The following TNRC6B variants were observed in gnomAD, a reference collection of about 807,000 sequenced individuals.
The protein encoded by TNRC6B is trinucleotide repeat-containing gene 6B protein.
In TNRC6B, 52 loss-of-function variants were observed where a neutral mutation model predicts 203.6. The ratio of observed to expected loss-of-function variants is 0.26; its 90% CI spans 0.20 to 0.32. The LOEUF is 0.32. Ranked by LOEUF, TNRC6B falls within the 10% of genes least tolerant of loss-of-function variation. The pLI is 1.00. For synonymous variants in TNRC6B, 838 were observed against 845.7 expected (o/e 0.99, Z 0.16); for missense variants, 1,923 against 2,286.2 (o/e 0.84, Z 3.24).
chr22:40,152,285 C>A (rs1048318759), intron 3 of TNRC6B, among the ~76,000 whole-genome samples: 7 of 152,142 alleles, frequency 4.6e-5, no homozygotes. Context: ...GCATCACCCT[C>A]AAAATTTTGG....
intron 16 of TNRC6B, 37 bp downstream of exon 16, chr22:40,308,686 C>T (rs754324938): frequency 6.3e-7 from 1 of 1,576,236 alleles, no homozygotes; most frequent in Non-Finnish European, 8.6e-7. Flanking sequence ...CCCCAACCCA[C>T]AGCAGGTCTT....
chr22:40,222,367 T>C (rs184124660), intron 1 of TNRC6B, among the ~76,000 whole-genome samples: 2 of 152,108 alleles, frequency 1.3e-5, no homozygotes, highest in African/African-American at 2.4e-5. Flanking sequence ...AAGGCCTTAC[T>C]AGGACCAGAA....
At chr22:40,125,906 A>C in intron 3 of TNRC6B, 1 of 1,588,066 alleles carries the variant, frequency 6.3e-7, no homozygotes, top group Non-Finnish European at 8.6e-7. Context: ...GAAATTGAAC[A>C]GTAGAGGCTG....
intron 6 of TNRC6B, among the ~76,000 whole-genome samples, chr22:40,271,311 C>T (rs2070560222): frequency 6.6e-6 from 1 of 152,164 alleles, no homozygotes; most frequent in African/African-American, 2.4e-5. Flanking sequence ...AAGGGATTAT[C>T]TTTTGATTAA....
chr22:40,184,504 G>A (rs2069176007), intron 1 of TNRC6B, among the ~76,000 whole-genome samples: 1 of 152,170 alleles, frequency 6.6e-6, no homozygotes, highest in South Asian at 2.1e-4. Flanking sequence ...GAGTGTATAA[G>A]CCACGTTTGA....
intron 15 of TNRC6B, among the ~76,000 whole-genome samples, chr22:40,302,575 G>A (rs2071037150): frequency 6.6e-6 from 1 of 151,556 alleles, no homozygotes; most frequent in South Asian, 2.1e-4. Context: ...GGAGGTTGCA[G>A]TGAGCTGAGA....
intron 1 of TNRC6B, among the ~76,000 whole-genome samples, chr22:40,114,365 A>G (rs2068368391): frequency 6.6e-6 from 1 of 152,170 alleles, no homozygotes; most frequent in South Asian, 2.1e-4. Context: ...GTGTCATCCA[A>G]GCTGGAGTGC....
chr22:40,222,059 A>G (rs62237978), intron 1 of TNRC6B, among the ~76,000 whole-genome samples: 16,906 of 152,062 alleles, frequency 0.11, 1,031 homozygotes, highest in South Asian at 0.15. Flanking sequence ...AGACCAACTA[A>G]GTCTTGCTGT....
In TNRC6B at chr22:40,229,898, C is replaced by A. The variant is rs550699125; in HGVS notation, c.6-16117C>A. On this transcript the variant is annotated intron_variant, in intron 1 of 22. Coordinates refer to ENST00000454349, the MANE Select transcript of TNRC6B (RefSeq NM_001162501.2). Reference sequence around the variant, plus strand: ...TTTGGGCATTTGCTCGTTTTCAGCTCTTATCAATAAAGCTATGAATATTCA... The same window carrying A: ...TTTGGGCATTTGCTCGTTTTCAGCTATTATCAATAAAGCTATGAATATTCA... Among the ~76,000 whole-genome samples the A allele has an allele frequency of 3.3e-5, 5 of 152,294 alleles. No homozygotes were observed. In the South Asian group the frequency reaches 1.0e-3, roughly 32 times the overall value.
At position 40,063,670 on chromosome 22, in the gene TNRC6B, GT is replaced by G. The variant is rs770263112; in HGVS notation, c.-121+18679del. Among the ~76,000 whole-genome samples the G allele has an allele frequency of 5.9e-5, 9 of 151,390 alleles. No individual in the cohort carries two copies. The East Asian group carries it at 9.7e-4, about 16-fold the overall frequency. ...AAGAGTTTATTCTTTTTGATGTTAGGTTTTTTTCTTTTTTCTTTTTCTTTTT... is the reference window on the plus strand; with the variant it reads ...AAGAGTTTATTCTTTTTGATGTTAGGTTTTTTCTTTTTTCTTTTTCTTTTT... On this transcript the variant is annotated intron_variant, in intron 1 of 23. Coordinates refer to the TNRC6B transcript ENST00000301923.
In TNRC6B at chr22:40,136,809, CAAAT is replaced by C. The variant is rs1466699166; in HGVS notation, c.45+10953_45+10956del. On this transcript the variant is annotated intron_variant, in intron 3 of 23. Transcript: ENST00000301923. ...ACCCACGTGTTTCTACTAATTACTGCAAATAAATATTTACTGAATCAGGAAGCTA... is the reference window on the plus strand; with the variant it reads ...ACCCACGTGTTTCTACTAATTACTGCAAATATTTACTGAATCAGGAAGCTA... Among the ~76,000 whole-genome samples the C allele has an allele frequency of 7.9e-5, 12 of 152,188 alleles. No individual in the cohort carries two copies. The East Asian group carries it at 1.9e-3, about 24-fold the overall frequency.
At chr22:40,073,445 G>A (rs1388951591) in intron 1 of TNRC6B, among the ~76,000 whole-genome samples, 1 of 152,078 alleles carries the variant, frequency 6.6e-6, no homozygotes, top group Admixed American at 6.5e-5. Flanking sequence ...AGGATCTTAT[G>A]GCAAGCTTTG....
chr22:40,253,424 G>A (rs983566686), intron 3 of TNRC6B, among the ~76,000 whole-genome samples: 10 of 151,700 alleles, frequency 6.6e-5, no homozygotes, highest in Admixed American at 3.9e-4. Flanking sequence ...ATTTGGGAGG[G>A]GTACCAGACC....
intron 1 of TNRC6B, among the ~76,000 whole-genome samples, chr22:40,081,426 G>T (rs5995810): frequency 0.071 from 10,565 of 148,252 alleles, 1,155 homozygotes; most frequent in African/African-American, 0.24. Flanking sequence ...CCGCCCTTTC[G>T]TCTCATCAGA....
chr22:40,151,875 A>AGAAAGAAAG (rs1555885719), intron 3 of TNRC6B, among the ~76,000 whole-genome samples: 1 of 150,700 alleles, frequency 6.6e-6, no homozygotes, highest in African/African-American at 2.4e-5. Context: ...GAAGAAAGAA[A>AGAAAGAAAG]GAAAGAAGAA....
At chr22:40,174,889 T>G (rs937212330), upstream of TNRC6B, among the ~76,000 whole-genome samples, 1 of 152,150 alleles carries the variant, frequency 6.6e-6, no homozygotes, top group East Asian at 1.9e-4. Flanking sequence ...TTTAAAATAT[T>G]GTCTAATTGT....
At chr22:40,050,443 C>G (rs549672012) in intron 1 of TNRC6B, among the ~76,000 whole-genome samples, 1 of 152,242 alleles carries the variant, frequency 6.6e-6, no homozygotes, top group African/African-American at 2.4e-5. Context: ...CCTTTTCCGG[C>G]CTTAAGGCTT....
In TNRC6B at chr22:40,266,342, C is replaced by A; in HGVS notation, c.2112C>A (p.Asn704Lys). ...GAGGCTGGAATGACTACAAGAACAA[C>A]AACTCTTCCAACTGGGGAGGAGGAC... is the stretch of plus-strand genomic sequence containing the variant. ...NTGGWNDYKN[N>K]NSSNWGGGRP... The change falls in exon 5 of 23, where the codon AAC (asparagine) becomes AAA (lysine). Residue 704 changes from asparagine (N) to lysine (K), a missense_variant. Physicochemically the swap from Asn to Lys is moderately conservative, Grantham distance 94 (BLOSUM62 0). Transcript: ENST00000454349. The A allele has an allele frequency of 6.2e-7, 1 of 1,607,692 alleles. No homozygotes were observed. Among genetic ancestry groups the A allele is most frequent in the East Asian group, 2.2e-5 (1 of 44,756 alleles).
Position 40,331,747 on chromosome 22 carries a change from AG to A in TNRC6B, c.*8511del. The stretch of plus-strand genomic sequence containing the variant: ...TGAATTGTAACTATGCATTCTGCAA[AG>A]GGGGTGGGGAGGAGAGGGCAGAAAG... On this transcript the variant is annotated 3_prime_UTR_variant, in exon 23 of 23. Coordinates refer to ENST00000454349, the MANE Select transcript of TNRC6B (RefSeq NM_001162501.2). The A allele has an allele frequency of 5.4e-6, 2 of 369,798 alleles. No homozygotes were observed. The highest frequency in any genetic ancestry group is 9.6e-6 in the Non-Finnish European group (2 of 208,326). 22.9% of individuals were successfully genotyped at this position (369,798 alleles called of 1,614,324 possible).
Sources: allele counts gnomAD v4.1 joint callset (sites outside exome capture counted in the v4.1 genomes callset), GRCh38; gene constraint gnomAD v4.1.1; transcripts MANE v1.5; gene names NCBI Gene and HGNC (gene_info 2026-07-23, HGNC 2026-07-21).